The following CDH13 variants were observed in gnomAD, a reference collection of about 807,000 sequenced individuals.
CDH13 encodes the protein cadherin 13.
A neutral mutation model predicts 63.8 loss-of-function variants in CDH13; 24 were observed. That is an observed-to-expected ratio of 0.38 (90% confidence interval 0.27 to 0.53). The LOEUF is 0.53. Ranked by LOEUF, CDH13 falls within the 20% of genes least tolerant of loss-of-function variation. The pLI is 0.85. For synonymous variants in CDH13, 503 were observed against 355.3 expected (o/e 1.42, Z -4.67); for missense variants, 1,049 against 903.1 (o/e 1.16, Z -2.07).
At chr16:82,789,201 C>T (rs888081958) in intron 1 of CDH13, among the ~76,000 whole-genome samples, 1 of 152,198 alleles carries the variant, frequency 6.6e-6, no homozygotes, top group Non-Finnish European at 1.5e-5. Flanking sequence ...GTCATCCAGT[C>T]TCTGTGTGGT....
At chr16:83,648,949 A>G (rs1326289764) in intron 8 of CDH13, among the ~76,000 whole-genome samples, 1 of 152,114 alleles carries the variant, frequency 6.6e-6, no homozygotes, top group Non-Finnish European at 1.5e-5. Flanking sequence ...TCCCCGCAAC[A>G]CACATACACC....
At chr16:83,368,605 T>G (rs1048212752) in intron 6 of CDH13, among the ~76,000 whole-genome samples, 1 of 151,976 alleles carries the variant, frequency 6.6e-6, no homozygotes. Context: ...TTCTGAGATT[T>G]TGGTGTACCC....
At chr16:83,407,362 A>G (rs1034527341) in intron 6 of CDH13, among the ~76,000 whole-genome samples, 1 of 152,236 alleles carries the variant, frequency 6.6e-6, no homozygotes, top group Non-Finnish European at 1.5e-5. Context: ...GGCTCCTGCT[A>G]TATGCCAAGT....
intron 1 of CDH13, among the ~76,000 whole-genome samples, chr16:82,640,347 A>G (rs1416088230): frequency 6.6e-6 from 1 of 152,212 alleles, no homozygotes; most frequent in Non-Finnish European, 1.5e-5. Context: ...AACTTTTGTC[A>G]ACTCTCTACT....
chr16:82,655,898 G>T (rs1338303713), intron 1 of CDH13, among the ~76,000 whole-genome samples: 1 of 152,076 alleles, frequency 6.6e-6, no homozygotes, highest in Non-Finnish European at 1.5e-5. Context: ...TGAAATTTCA[G>T]CTAGCCTTTA....
At chr16:83,279,535 A>G (rs1033830032) in intron 5 of CDH13, among the ~76,000 whole-genome samples, 1 of 152,226 alleles carries the variant, frequency 6.6e-6, no homozygotes, top group Non-Finnish European at 1.5e-5. Context: ...AAAAATGGGT[A>G]TTAAATCTCA....
At chr16:83,211,139 T>G (rs1415038991) in intron 4 of CDH13, among the ~76,000 whole-genome samples, 1 of 148,178 alleles carries the variant, frequency 6.7e-6, no homozygotes, top group African/African-American at 2.5e-5. Context: ...CAGAGCAAGA[T>G]TCCATCTCAA....
At chr16:83,759,252 TTCTGATTCTAACAAGGAAAAC>T (rs1197204158) in intron 11 of CDH13, among the ~76,000 whole-genome samples, 1 of 152,168 alleles carries the variant, frequency 6.6e-6, no homozygotes, top group Non-Finnish European at 1.5e-5. Flanking sequence ...CATACCCAGT[TTCTGATTCTAACAAGGAAAAC>T]ACAACACAGC....
At chr16:83,456,305 C>G (rs1197154692) in intron 6 of CDH13, among the ~76,000 whole-genome samples, 2 of 152,192 alleles carry the variant, frequency 1.3e-5, no homozygotes, top group African/African-American at 2.4e-5. Context: ...GGCCAACGAC[C>G]TAGAGACAGG....
chr16:83,080,869 G>GTTTTTTTTTTTTTT (rs1555579021), intron 3 of CDH13, among the ~76,000 whole-genome samples: 1 of 37,796 alleles, frequency 2.6e-5, no homozygotes, highest in South Asian at 1.1e-3. Flanking sequence ...TTTTGTTTTT[G>GTTTTTTTTTTTTTT]TGTTTTTTTT....
chr16:83,438,627 A>G (rs560886429), intron 6 of CDH13, among the ~76,000 whole-genome samples: 1 of 152,350 alleles, frequency 6.6e-6, no homozygotes, highest in Admixed American at 6.5e-5. Context: ...AATAATACAA[A>G]ATACCAAGAG....
At chr16:83,443,514 T>G (rs964432615) in intron 6 of CDH13, among the ~76,000 whole-genome samples, 9 of 152,066 alleles carry the variant, frequency 5.9e-5, no homozygotes, top group Non-Finnish European at 1.0e-4. Context: ...TCTGAAGTAC[T>G]AAAAGCAGAA....
At chr16:83,248,531 A>T (rs1276472544) in intron 5 of CDH13, among the ~76,000 whole-genome samples, 2 of 152,150 alleles carry the variant, frequency 1.3e-5, no homozygotes, top group Non-Finnish European at 2.9e-5. Flanking sequence ...TCAGGTAGTT[A>T]GTAGATCAAG....
chr16:82,790,428 C>G (rs1028884553), intron 1 of CDH13, among the ~76,000 whole-genome samples: 1 of 152,060 alleles, frequency 6.6e-6, no homozygotes, highest in African/African-American at 2.4e-5. Flanking sequence ...GAGTGAGACT[C>G]TGTCTCAAAA....
intron 2 of CDH13, among the ~76,000 whole-genome samples, chr16:82,894,453 C>A (rs1233157406): frequency 2.0e-5 from 3 of 152,050 alleles, no homozygotes; most frequent in African/African-American, 7.2e-5. Flanking sequence ...ACCAGCCTGG[C>A]CAAAATGGTG....
chr16:83,566,478 G>A (rs1261506791), intron 7 of CDH13, among the ~76,000 whole-genome samples: 2 of 151,580 alleles, frequency 1.3e-5, no homozygotes, highest in East Asian at 3.9e-4. Flanking sequence ...TGTTAGATAA[G>A]GTTCCTGGCT....
At chr16:83,312,593 A>T (rs1189830283) in intron 5 of CDH13, among the ~76,000 whole-genome samples, 1 of 152,190 alleles carries the variant, frequency 6.6e-6, no homozygotes, top group Non-Finnish European at 1.5e-5. Context: ...AGGAAACAAC[A>T]CTGTGACTGA....
chr16:82,804,070 A>G (rs2037013344), intron 1 of CDH13, among the ~76,000 whole-genome samples: 3 of 151,754 alleles, frequency 2.0e-5, no homozygotes, highest in Admixed American at 6.6e-5. Context: ...TCTACTAAAA[A>G]TATAAAAATT....
At chr16:82,884,999 A>G (rs774186002) in intron 2 of CDH13, among the ~76,000 whole-genome samples, 1 of 152,272 alleles carries the variant, frequency 6.6e-6, no homozygotes, top group East Asian at 1.9e-4. Flanking sequence ...ACCCATATAT[A>G]CTTGGGTGAC....
Sources: gnomAD v4.1 joint callset for allele counts (sites outside exome capture counted in the v4.1 genomes callset) on GRCh38, gnomAD v4.1.1 for gene constraint, MANE v1.5 for transcripts, NCBI Gene and HGNC (gene_info 2026-07-23, HGNC 2026-07-21) for gene names.